Variants in CADM2 observed in about 807,000 individuals in gnomAD.
CADM2 encodes immunoglobulin superfamily member 4D.
Under a neutral mutation model 49.8 loss-of-function variants are expected in CADM2, and 12 were observed. The ratio of observed to expected loss-of-function variants is 0.24; its 90% confidence interval spans 0.15 to 0.39. The LOEUF is 0.39. Ranked by LOEUF, CADM2 falls within the 10% of genes least tolerant of loss-of-function variation. The pLI, the probability that CADM2 is intolerant of heterozygous loss-of-function variation, is 1.00. For synonymous variants in CADM2, 214 were observed against 175.4 expected, an observed-to-expected ratio of 1.22 and a Z score of -1.74; for missense variants, 378 against 492.3, an observed-to-expected ratio of 0.77 and a Z score of 2.20.
rs2107464569 is a variant in CADM2, at chr3:86,071,732, T to A, written c.*4949T>A. Reference sequence around the variant, plus strand: ...GTATTCTATGGTGTATGAATCTGCATTTGTTTTTCCTTTTCTATCATTAGC... The same window carrying A: ...GTATTCTATGGTGTATGAATCTGCAATTGTTTTTCCTTTTCTATCATTAGC... On this transcript the variant is annotated 3_prime_UTR_variant, in exon 10 of 10. Coordinates refer to ENST00000383699, the MANE Select transcript of CADM2 (RefSeq NM_001167675.2). 1 of 152,106 alleles carries A rather than the reference T, an allele frequency of 6.6e-6. No individual in the cohort carries two copies. The highest frequency in any genetic ancestry group is 2.1e-4 in the South Asian group (1 of 4,826). The allele number at this position is 152,106 out of a possible 1,614,324, so 9.4% of individuals were successfully genotyped here. A position where few individuals can be genotyped will look rare whatever the true frequency, so the allele number is the denominator to read the frequency against.
At chr3:85,078,410 T>A (rs1287591244) in intron 1 of CADM2, among the ~76,000 whole-genome samples, 1 of 151,946 alleles carries the variant, frequency 6.6e-6, no homozygotes, top group East Asian at 1.9e-4. Context: ...TTTTCAGAGC[T>A]AAGAACAAAG....
At chr3:85,240,302 A>C (rs1474211394) in intron 1 of CADM2, among the ~76,000 whole-genome samples, 1 of 151,482 alleles carries the variant, frequency 6.6e-6, no homozygotes, top group African/African-American at 2.4e-5. Flanking sequence ...GAAAAGAGCT[A>C]TTTCTTGAAA....
chr3:86,013,410 A>G (rs1731802221), intron 8 of CADM2: 1 of 1,551,172 alleles, frequency 6.4e-7, no homozygotes, highest in African/African-American at 1.4e-5. Flanking sequence ...GGCCGAAGAA[A>G]TCCCAGAAGG....
chr3:86,055,771 A>G (rs1215383068), intron 8 of CADM2, among the ~76,000 whole-genome samples: 1 of 152,152 alleles, frequency 6.6e-6, no homozygotes, highest in Non-Finnish European at 1.5e-5. Context: ...GGACACAAAC[A>G]TTCAGACCTT....
chr3:85,551,552 T>C (rs2061802508), intron 1 of CADM2, among the ~76,000 whole-genome samples: 1 of 152,146 alleles, frequency 6.6e-6, no homozygotes, highest in Admixed American at 6.5e-5. Flanking sequence ...GCATGGTTTT[T>C]CATGAGTTAG....
intron 1 of CADM2, among the ~76,000 whole-genome samples, chr3:85,694,929 TA>T (rs1010046497): frequency 7.0e-6 from 1 of 143,428 alleles, no homozygotes; most frequent in Non-Finnish European, 1.6e-5. Context: ...ATCCTATCTC[TA>T]AAAAAAATAA....
chr3:85,882,102 C>G (rs1257781106), intron 3 of CADM2, among the ~76,000 whole-genome samples: 2 of 152,100 alleles, frequency 1.3e-5, no homozygotes, highest in South Asian at 4.2e-4. Context: ...CTCTAGCTGA[C>G]GAAAAGAGGA....
intron 1 of CADM2, among the ~76,000 whole-genome samples, chr3:85,352,852 C>G (rs527888793): frequency 1.3e-5 from 2 of 152,084 alleles, no homozygotes; most frequent in Non-Finnish European, 2.9e-5. Flanking sequence ...TATTAATTAA[C>G]TTGAATTTTT....
chr3:85,321,144 T>A lies in CADM2; in HGVS notation c.61+361476T>A, dbSNP rs1416522441. ...TTTTTTTTTTTTTTTTTTTTTTTTTTTTTTTTTTTTTTTTTTTTTTTTGCG... is the reference window on the plus strand; with the variant it reads ...TTTTTTTTTTTTTTTTTTTTTTTTTATTTTTTTTTTTTTTTTTTTTTTGCG... On this transcript the variant is annotated intron_variant, in intron 1 of 9. Transcript: ENST00000383699. Among the ~76,000 whole-genome samples the A allele has an allele frequency of 6.3e-3, 345 of 54,862 alleles. 17 individuals carry two copies. The highest frequency in any genetic ancestry group is 0.016 in the Middle Eastern group (2 of 124). The allele number at this position is 54,862 out of a possible 152,430, so 36.0% of individuals were successfully genotyped here.
chr3:85,582,924 A>G (rs2062836612), intron 1 of CADM2, among the ~76,000 whole-genome samples: 1 of 152,142 alleles, frequency 6.6e-6, no homozygotes. Context: ...TCTGAGCATT[A>G]GTTTCCAAAT....
chr3:85,557,424 G>A (rs953865489), intron 1 of CADM2, among the ~76,000 whole-genome samples: 2 of 151,730 alleles, frequency 1.3e-5, no homozygotes, highest in Admixed American at 6.6e-5. Context: ...AAAATTTTAG[G>A]TTGGGGTTTT....
chr3:85,154,442 A>G (rs2040037088), intron 1 of CADM2, among the ~76,000 whole-genome samples: 1 of 152,156 alleles, frequency 6.6e-6, no homozygotes, highest in Non-Finnish European at 1.5e-5. Context: ...GACTATGTGA[A>G]AAGACCAAAT....
At chr3:85,686,958 C>G (rs1204730183) in intron 1 of CADM2, among the ~76,000 whole-genome samples, 1 of 152,174 alleles carries the variant, frequency 6.6e-6, no homozygotes, top group African/African-American at 2.4e-5. Context: ...TAAAACCAAA[C>G]TGTGCTCTGA....
At chr3:85,750,060 G>T (rs2068800003) in intron 2 of CADM2, among the ~76,000 whole-genome samples, 1 of 151,948 alleles carries the variant, frequency 6.6e-6, no homozygotes, top group African/African-American at 2.4e-5. Context: ...TTCTGCGTTA[G>T]ATATAAATCT....
At chr3:85,043,988 C>T (rs2107375125) in intron 1 of CADM2, among the ~76,000 whole-genome samples, 1 of 152,224 alleles carries the variant, frequency 6.6e-6, no homozygotes, top group African/African-American at 2.4e-5. Context: ...GCCTCTAAAT[C>T]TCCTTGTGTT....
At chr3:85,082,891 C>T (rs993058593) in intron 1 of CADM2, among the ~76,000 whole-genome samples, 4 of 151,940 alleles carry the variant, frequency 2.6e-5, no homozygotes, top group East Asian at 3.9e-4. Context: ...AGCTGTTTAG[C>T]GAAATCCAAC....
intron 8 of CADM2, among the ~76,000 whole-genome samples, chr3:85,979,464 A>ATT (rs146375728): frequency 6.6e-6 from 1 of 151,438 alleles, no homozygotes; most frequent in Non-Finnish European, 1.5e-5. Flanking sequence ...GGTACATTTT[A>ATT]TTTTTTTTAG....
chr3:85,121,946 T>G (rs1438140655), intron 1 of CADM2, among the ~76,000 whole-genome samples: 1 of 152,152 alleles, frequency 6.6e-6, no homozygotes, highest in African/African-American at 2.4e-5. Context: ...CTATCTTATC[T>G]CATTCACAGG....
rs1427652678 is a variant in CADM2, at chr3:85,340,594, T to C, written c.61+380926T>C. Among the ~76,000 whole-genome samples, 4 of 151,744 alleles carry C rather than the reference T, an allele frequency of 2.6e-5. No homozygotes were observed. The East Asian group carries it at 5.8e-4, about 22-fold the overall frequency. On this transcript the variant is annotated intron_variant, in intron 1 of 9. Coordinates refer to ENST00000383699, the MANE Select transcript of CADM2 (RefSeq NM_001167675.2). Reference sequence around the variant, plus strand: ...GTTTGCTATATATTTTGAATGTATATACAATTATTTTTCTAGGTTTTTTGG... The same window carrying C: ...GTTTGCTATATATTTTGAATGTATACACAATTATTTTTCTAGGTTTTTTGG...
Sources: gnomAD v4.1 joint callset for allele counts (sites outside exome capture counted in the v4.1 genomes callset) on GRCh38, gnomAD v4.1.1 for gene constraint, MANE v1.5 for transcripts, NCBI Gene and HGNC (gene_info 2026-07-23, HGNC 2026-07-21) for gene names.